FCRL4: variants seen among roughly 807,000 people sequenced by gnomAD.
FCRL4 encodes Fc receptor like 4, also known as Fc receptor-like protein 4.
FCRL4 carries 43 observed loss-of-function variants against 64.1 expected under a neutral mutation model. That is an observed-to-expected ratio of 0.67 (90% CI 0.53 to 0.87). The LOEUF is 0.87. FCRL4 is among the 40% of genes least tolerant of loss of function. FCRL4 has a pLI of 0.00. For synonymous variants in FCRL4, 253 were observed against 239.8 expected (o/e 1.05, Z -0.51); for missense variants, 656 against 613.5 (o/e 1.07, Z -0.73).
chr1:157,587,233 G>T, intron 5 of FCRL4, 43 bp downstream of exon 5: 1 of 1,599,072 alleles, frequency 6.3e-7, no homozygotes, highest in Non-Finnish European at 8.5e-7. Context: ...GAGCCCAAGG[G>T]GCAGAGAGAG....
chr1:157,587,722 C>T, intron 4 of FCRL4, 143 bp downstream of exon 4: 1 of 1,107,060 alleles, frequency 9.0e-7, no homozygotes, highest in Non-Finnish European at 1.3e-6. Context: ...CAGGTCCAAT[C>T]ACCCCACTTT....
At position 157,589,587 on chromosome 1, in the gene FCRL4, C is replaced by T. The variant is rs72996985; in HGVS notation, c.53-129G>A. 1.3e-3 allele frequency: 1,599 copies of T among 1,213,004 alleles called. 21 individuals carry two copies. The African/African-American group carries it at 0.022, about 17-fold the overall frequency. 75.1% of individuals were successfully genotyped at this position (1,213,004 alleles called of 1,614,324 possible). ...GATGCCCCCGGATGACTTCTGTTTACCCAGGTTGCAGGTGAGCTGTGCTCA... is the reference window on the plus strand; with the variant it reads ...GATGCCCCCGGATGACTTCTGTTTATCCAGGTTGCAGGTGAGCTGTGCTCA... On this transcript the variant is annotated intron_variant, in intron 2 of 11. Coordinates refer to ENST00000271532, the MANE Select transcript of FCRL4 (RefSeq NM_031282.3).
chr1:157,594,465 A>G (rs1008947517), intron 2 of FCRL4, among the ~76,000 whole-genome samples: 3 of 152,218 alleles, frequency 2.0e-5, no homozygotes, highest in Non-Finnish European at 4.4e-5. Context: ...TGAAAAGTCA[A>G]TATTAGATTC....
At position 157,574,580 on chromosome 1, in the gene FCRL4, A is replaced by G. The variant is rs1277617670; in HGVS notation, c.*944T>C. On this transcript the variant is annotated 3_prime_UTR_variant, in exon 12 of 12. Transcript: ENST00000271532. ...TTATTCTCATATAAACTAATTAGTA[A>G]CTCAAAGACACAGTTCCTACAAGAA... The G allele has an allele frequency of 4.8e-6, 1 of 207,218 alleles. No homozygotes were observed. Among genetic ancestry groups the G allele is most frequent in the Non-Finnish European group, 9.8e-6 (1 of 101,784 alleles). The allele number at this position is 207,218 out of a possible 1,614,324, so 12.8% of individuals were successfully genotyped here. A position where few individuals can be genotyped will look rare whatever the true frequency, so the allele number is the denominator to read the frequency against.
chr1:157,583,904 ATCCTTGAC>A, intron 6 of FCRL4, among the ~76,000 whole-genome samples: 1 of 152,318 alleles, frequency 6.6e-6, no homozygotes, highest in Non-Finnish European at 1.5e-5. Flanking sequence ...ACATCACTGG[ATCCTTGAC>A]GTTTGTTTAA....
rs1652538731 is a variant in FCRL4, at chr1:157,580,580, AAG to A, written c.1250-234_1250-233del. Reference sequence around the variant, plus strand: ...GTATGTAATTGTCTGAGAATTTATTAAGACTCAAGTCTGTGTTGAAATCCCTC... The same window carrying A: ...GTATGTAATTGTCTGAGAATTTATTAACTCAAGTCTGTGTTGAAATCCCTC... On this transcript the variant is annotated intron_variant, in intron 7 of 11. Transcript: ENST00000271532. The A allele has an allele frequency of 5.8e-6, 3 of 520,152 alleles. No individual in the cohort carries two copies. In the East Asian group the frequency reaches 1.0e-4, roughly 17 times the overall value. 32.2% of individuals were successfully genotyped at this position (520,152 alleles called of 1,614,324 possible). A position where few individuals can be genotyped will look rare whatever the true frequency, so the allele number is the denominator to read the frequency against.
intron 3 of FCRL4, 74 bp from the exon 4 acceptor site, chr1:157,588,193 GC>G: frequency 6.7e-7 from 1 of 1,497,814 alleles, no homozygotes; most frequent in Non-Finnish European, 8.9e-7. Flanking sequence ...AATTACAAAG[GC>G]TTTATTGTTT....
chr1:157,590,202 G>T (rs2101685265), intron 2 of FCRL4, among the ~76,000 whole-genome samples: 1 of 152,258 alleles, frequency 6.6e-6, no homozygotes, highest in South Asian at 2.1e-4. Context: ...TTTAATCCAA[G>T]ATGGTATACA....
At chr1:157,582,358 G>A (rs943403761) in intron 6 of FCRL4, among the ~76,000 whole-genome samples, 6 of 152,184 alleles carry the variant, frequency 3.9e-5, no homozygotes, top group African/African-American at 1.4e-4. Context: ...TGAACAAGAC[G>A]TTAAAGTCCC....
chr1:157,590,448 C>A (rs1393382282), intron 2 of FCRL4, among the ~76,000 whole-genome samples: 3 of 150,410 alleles, frequency 2.0e-5, no homozygotes, highest in Non-Finnish European at 4.4e-5. Flanking sequence ...CCTCCTTGAG[C>A]CATTTTTTTT....
Position 157,596,323 on chromosome 1 carries a change from C to T in FCRL4, c.52+5G>A. On this transcript the variant is annotated splice_donor_5th_base_variant and intron_variant, in intron 2 of 11. Coordinates refer to ENST00000271532, the MANE Select transcript of FCRL4 (RefSeq NM_031282.3). ...CATAAAGGAGCAAAGAAAATAAGGA[C>T]TTACCAGATTGTCCACAGACTGGAG... The T allele has an allele frequency of 6.2e-7, 1 of 1,613,908 alleles. No homozygotes were observed. The highest frequency in any genetic ancestry group is 8.5e-7 in the Non-Finnish European group (1 of 1,179,880).
At chr1:157,576,557 G>T (rs1652420047) in intron 10 of FCRL4, among the ~76,000 whole-genome samples, 1 of 152,196 alleles carries the variant, frequency 6.6e-6, no homozygotes, top group Non-Finnish European at 1.5e-5. Flanking sequence ...TAATTCAAGT[G>T]TCTGAAATGT....
chr1:157,581,439 G>T, intron 7 of FCRL4, 92 bp downstream of exon 7: 2 of 964,020 alleles, frequency 2.1e-6, no homozygotes, highest in South Asian at 2.9e-5. Context: ...GGAGACTTGG[G>T]AGTGGTGGCC....
chr1:157,592,663 T>C (rs1349758799), intron 2 of FCRL4, among the ~76,000 whole-genome samples: 1 of 152,220 alleles, frequency 6.6e-6, no homozygotes. Context: ...TCAACCATTG[T>C]GGAAGACAGT....
At chr1:157,590,486 T>C (rs1460221272) in intron 2 of FCRL4, among the ~76,000 whole-genome samples, 3 of 151,754 alleles carry the variant, frequency 2.0e-5, no homozygotes, top group Non-Finnish European at 4.4e-5. Context: ...TGTATGTACA[T>C]AATTAAAACC....
Position 157,575,386 on chromosome 1 carries a change from T to G in FCRL4, c.*138A>C. On this transcript the variant is annotated 3_prime_UTR_variant, in exon 12 of 12. Coordinates refer to ENST00000271532, the MANE Select transcript of FCRL4 (RefSeq NM_031282.3). Reference sequence around the variant, plus strand: ...GTAGACGAATGAGTATTCCTGGGAGTGAATGCATATGCATGAGAAGAATTA... The same window carrying G: ...GTAGACGAATGAGTATTCCTGGGAGGGAATGCATATGCATGAGAAGAATTA... 2 of 663,608 alleles carry G rather than the reference T, an allele frequency of 3.0e-6. No individual in the cohort carries two copies. The highest frequency in any genetic ancestry group is 3.6e-5 in the South Asian group (2 of 55,282). The allele number at this position is 663,608 out of a possible 1,614,324, so 41.1% of individuals were successfully genotyped here.
At chr1:157,594,181 C>T (rs1205690104) in intron 2 of FCRL4, among the ~76,000 whole-genome samples, 1 of 152,228 alleles carries the variant, frequency 6.6e-6, no homozygotes, top group Admixed American at 6.5e-5. Flanking sequence ...TTCTCTCTAA[C>T]CTTCTGCCCA....
intron 6 of FCRL4, among the ~76,000 whole-genome samples, chr1:157,585,415 T>TTTCCTTCTTTCC (rs1652668887): frequency 6.9e-6 from 1 of 144,846 alleles, no homozygotes; most frequent in African/African-American, 2.6e-5. Flanking sequence ...TCTTTCTTTC[T>TTTCCTTCTTTCC]TTCTTTCCTT....
chr1:157,595,019 C>T (rs779145162), intron 2 of FCRL4, among the ~76,000 whole-genome samples: 1 of 152,210 alleles, frequency 6.6e-6, no homozygotes, highest in Non-Finnish European at 1.5e-5. Context: ...CTGCCCCAGC[C>T]TCCTGAGTAA....
Sources: gnomAD v4.1 joint callset for allele counts (sites outside exome capture counted in the v4.1 genomes callset) on GRCh38, gnomAD v4.1.1 for gene constraint, MANE v1.5 for transcripts, NCBI Gene and HGNC (gene_info 2026-07-23, HGNC 2026-07-21) for gene names.